RALYL: variants seen among roughly 807,000 people sequenced by gnomAD.
RALYL encodes the protein RNA-binding Raly-like protein.
A neutral mutation model predicts 35.1 loss-of-function variants in RALYL; 29 were observed. The ratio of observed to expected loss-of-function variants is 0.83; its 90% CI spans 0.61 to 1.13. RALYL has a LOEUF of 1.13. RALYL is among the 50% of genes most tolerant of loss of function. RALYL has a pLI of 0.00. For synonymous variants in RALYL, 120 were observed against 127.6 expected (o/e 0.94, Z 0.40); for missense variants, 359 against 360.4 (o/e 1.00, Z 0.03).
intron 4 of RALYL, among the ~76,000 whole-genome samples, chr8:84,820,667 T>C (rs952632212): frequency 3.3e-5 from 5 of 152,164 alleles, no homozygotes; most frequent in African/African-American, 4.8e-5. Flanking sequence ...AAGTCCTGCA[T>C]GCATTAGGTA....
At chr8:84,292,970 C>G (rs1839042784) in intron 1 of RALYL, among the ~76,000 whole-genome samples, 1 of 152,148 alleles carries the variant, frequency 6.6e-6, no homozygotes, top group African/African-American at 2.4e-5. Context: ...ACTCCTCACA[C>G]ATTTCTTACT....
At chr8:84,478,281 C>A (rs1467887040) in intron 1 of RALYL, among the ~76,000 whole-genome samples, 1 of 152,074 alleles carries the variant, frequency 6.6e-6, no homozygotes, top group African/African-American at 2.4e-5. Context: ...ACCACAAATA[C>A]AACCTGATAA....
At position 84,192,913 on chromosome 8, in the gene RALYL, G is replaced by GGT. The variant is rs1305821652; in HGVS notation, c.-24+8490_-24+8491insTG. Among the ~76,000 whole-genome samples, 7 of 144,922 alleles carry GGT rather than the reference G, an allele frequency of 4.8e-5. No homozygotes were observed. The East Asian group carries it at 1.5e-3, about 30-fold the overall frequency. ...TGTGTGTGTGTGTGTGTGTGGGGGG[G>GGT]GGGGTTGTGTACGTGTATATGTAAA... On this transcript the variant is annotated intron_variant, in intron 1 of 8. Coordinates refer to ENST00000521268, the MANE Select transcript of RALYL (RefSeq NM_173848.7).
chr8:84,526,681 T>C (rs982083280), intron 1 of RALYL, among the ~76,000 whole-genome samples: 2 of 152,190 alleles, frequency 1.3e-5, no homozygotes, highest in African/African-American at 2.4e-5. Context: ...GTCACACAAA[T>C]TCCAACTGCC....
At chr8:84,774,521 C>A in intron 2 of RALYL, 58 bp from the exon 3 acceptor site, 1 of 1,112,664 alleles carries the variant, frequency 9.0e-7, no homozygotes, top group Non-Finnish European at 1.3e-6. Flanking sequence ...TCATGATTTA[C>A]TTTTCTCAGA....
chr8:84,350,231 A>G (rs1586518332), intron 1 of RALYL, among the ~76,000 whole-genome samples: 1 of 150,238 alleles, frequency 6.7e-6, no homozygotes, highest in African/African-American at 2.5e-5. Flanking sequence ...ATTCCCCCAC[A>G]TACCCTGACA....
At chr8:84,822,353 G>A (rs1413334436) in intron 4 of RALYL, among the ~76,000 whole-genome samples, 1 of 152,066 alleles carries the variant, frequency 6.6e-6, no homozygotes, top group Admixed American at 6.6e-5. Flanking sequence ...ATAAATCAAA[G>A]CATTCATTCC....
chr8:84,223,166 C>CCT (rs1563559888), intron 1 of RALYL, among the ~76,000 whole-genome samples: 40 of 83,436 alleles, frequency 4.8e-4, no homozygotes, highest in African/African-American at 1.5e-3. Flanking sequence ...TCTTTCCTTC[C>CCT]TCCCTTCCCT....
Position 84,787,707 on chromosome 8 carries a change from C to T in RALYL, c.332+13053C>T, listed in dbSNP as rs371379496. ...TGTTGTTTCCTGACATTTTAATGAT[C>T]GCCATTCTAACTGGTGTGAGATGGT... On this transcript the variant is annotated intron_variant, in intron 3 of 8. Transcript: ENST00000521268. Among the ~76,000 whole-genome samples the T allele has an allele frequency of 9.2e-5, 14 of 152,244 alleles. No individual in the cohort carries two copies. In the East Asian group the frequency reaches 9.7e-4, roughly 10 times the overall value.
In RALYL at chr8:84,729,938, T is replaced by C. The variant is rs1454175016; in HGVS notation, c.257-44641T>C. ...GTCCAGGACCAGATGGATTCACAGC[T>C]GAATTCTACCAGAGGTACAAGGAGG... is the stretch of plus-strand genomic sequence containing the variant. On this transcript the variant is annotated intron_variant, in intron 2 of 8. Coordinates refer to ENST00000521268, the MANE Select transcript of RALYL (RefSeq NM_173848.7). Among the ~76,000 whole-genome samples, 11 of 152,042 alleles carry C rather than the reference T, an allele frequency of 7.2e-5. No individual in the cohort carries two copies. The East Asian group carries it at 1.2e-3, about 16-fold the overall frequency.
intron 1 of RALYL, among the ~76,000 whole-genome samples, chr8:84,307,162 G>GGAAGA (rs1469052350): frequency 1.3e-5 from 2 of 152,254 alleles, no homozygotes; most frequent in Admixed American, 6.5e-5. Context: ...CTATGAGTTA[G>GGAAGA]GAAGAGAAGA....
intron 2 of RALYL, among the ~76,000 whole-genome samples, chr8:84,645,176 A>G (rs990866143): frequency 2.6e-5 from 4 of 151,946 alleles, no homozygotes; most frequent in Non-Finnish European, 4.4e-5. Flanking sequence ...TTGGGTCTCA[A>G]TTGTCATGGT....
chr8:84,220,108 T>C (rs1436780605), intron 1 of RALYL, among the ~76,000 whole-genome samples: 1 of 152,046 alleles, frequency 6.6e-6, no homozygotes, highest in Admixed American at 6.6e-5. Context: ...GGTCAACCAG[T>C]GCTTCATACC....
chr8:84,322,775 A>C lies in RALYL; in HGVS notation c.-24+138351A>C, dbSNP rs555688258. 8.1e-4 allele frequency among the ~76,000 whole-genome samples: 124 copies of C among 152,204 alleles called. 2 individuals are homozygous for C. The South Asian group carries it at 0.019, about 23-fold the overall frequency. On this transcript the variant is annotated intron_variant, in intron 1 of 8. Coordinates refer to ENST00000521268, the MANE Select transcript of RALYL (RefSeq NM_173848.7). ...CAGGTCCTATTTCTCATCAGTCTCA[A>C]GCTTCCCTACTTCCGGCCAGCTATT...
At chr8:84,828,977 T>C (rs1830297617) in intron 4 of RALYL, 1 of 151,404 alleles carries the variant, frequency 6.6e-6, no homozygotes, top group African/African-American at 2.4e-5. Context: ...CCTAGGTTAG[T>C]TATATTAGTC....
intron 1 of RALYL, among the ~76,000 whole-genome samples, chr8:84,366,763 C>CCA (rs1854373074): frequency 1.8e-5 from 1 of 56,658 alleles, no homozygotes; most frequent in Non-Finnish European, 3.6e-5. Flanking sequence ...ATTTTTGTCT[C>CCA]AAAAAAAAAA....
At chr8:84,206,266 G>A (rs893897063) in intron 1 of RALYL, among the ~76,000 whole-genome samples, 1 of 152,072 alleles carries the variant, frequency 6.6e-6, no homozygotes, top group African/African-American at 2.4e-5. Context: ...CATTCTATGT[G>A]GGACCAAGTA....
chr8:84,359,894 T>TC (rs1310053171), intron 1 of RALYL, among the ~76,000 whole-genome samples: 3 of 151,374 alleles, frequency 2.0e-5, no homozygotes, highest in Non-Finnish European at 4.4e-5. Flanking sequence ...TTTTTTTTTT[T>TC]CTTTTAACTT....
At chr8:84,511,643 T>G (rs1005581867) in intron 1 of RALYL, among the ~76,000 whole-genome samples, 2 of 152,202 alleles carry the variant, frequency 1.3e-5, no homozygotes, top group Admixed American at 6.5e-5. Context: ...TAATTAGAAT[T>G]TCCTTCTATC....
Sources: allele counts gnomAD v4.1 joint callset (sites outside exome capture counted in the v4.1 genomes callset), GRCh38; gene constraint gnomAD v4.1.1; transcripts MANE v1.5; gene names NCBI Gene and HGNC (gene_info 2026-07-23, HGNC 2026-07-21).